PKD1L1: variants seen among roughly 807,000 people sequenced by gnomAD.
The protein encoded by PKD1L1 is polycystin-1-like protein 1.
In PKD1L1, 236 loss-of-function variants were observed where a neutral mutation model predicts 323.4. The ratio of observed to expected loss-of-function variants is 0.73; its 90% CI spans 0.66 to 0.81. PKD1L1 has a LOEUF of 0.81. Ranked by LOEUF, PKD1L1 falls within the 40% of genes least tolerant of loss-of-function variation. The probability of loss-of-function intolerance (pLI) is 0.00; values close to 1 mark genes in which losing one functional copy is unlikely to be tolerated. For missense variants in PKD1L1, 3,320 were observed against 3,508.0 expected (o/e 0.95, Z 1.35); for synonymous variants, 1,344 against 1,335.0 (o/e 1.01, Z -0.15).
intron 2 of PKD1L1, among the ~76,000 whole-genome samples, chr7:47,942,962 C>T (rs1016030004): frequency 5.3e-5 from 8 of 151,816 alleles, no homozygotes; most frequent in African/African-American, 1.9e-4. Context: ...CTGGCTAACA[C>T]GGTGAAACCC....
Position 47,880,841 on chromosome 7 carries a change from C to A in PKD1L1, c.3443-36G>T. 2.6e-6 allele frequency: 4 copies of A among 1,552,216 alleles called. No individual in the cohort carries two copies. The South Asian group carries it at 3.5e-5, about 13-fold the overall frequency. On this transcript the variant is annotated intron_variant, in intron 20 of 56. Transcript: ENST00000289672. ...GACATGGCTGCATGGAAATGACAGT[C>A]AGTGGTCTCAAGGACAGAGGTCACA...
At chr7:47,799,758 G>A (rs1242334587) in intron 54 of PKD1L1, among the ~76,000 whole-genome samples, 1 of 152,132 alleles carries the variant, frequency 6.6e-6, no homozygotes, top group African/African-American at 2.4e-5. Flanking sequence ...CATGCCTATA[G>A]GCTTAGTCAA....
At chr7:47,867,176 AC>A (rs1242094912) in intron 24 of PKD1L1, among the ~76,000 whole-genome samples, 1 of 152,240 alleles carries the variant, frequency 6.6e-6, no homozygotes, top group Non-Finnish European at 1.5e-5. Context: ...ATCTGGACAC[AC>A]CGCAGTGGGT....
At chr7:47,936,736 C>T (rs1047370280) in intron 4 of PKD1L1, 110 bp downstream of exon 4, 16 of 821,052 alleles carry the variant, frequency 1.9e-5, no homozygotes, top group African/African-American at 1.2e-4. Context: ...AACCCACCCT[C>T]GGGCCATGTA....
At chr7:47,898,629 A>G (rs1787012392) in intron 13 of PKD1L1, among the ~76,000 whole-genome samples, 1 of 152,098 alleles carries the variant, frequency 6.6e-6, no homozygotes, top group South Asian at 2.1e-4. Context: ...TATACACAAC[A>G]GATGTTTGCT....
intron 26 of PKD1L1, among the ~76,000 whole-genome samples, chr7:47,862,649 G>A (rs193152921): frequency 6.6e-5 from 10 of 152,274 alleles, no homozygotes; most frequent in Non-Finnish European, 1.5e-4. Flanking sequence ...CAGATGGTGG[G>A]TCTAGGACAA....
intron 36 of PKD1L1, among the ~76,000 whole-genome samples, chr7:47,837,989 C>T (rs117296884): frequency 2.0e-5 from 3 of 152,286 alleles, no homozygotes; most frequent in East Asian, 1.9e-4. Context: ...AATTAATAAG[C>T]CTACATTTCT....
At chr7:47,949,351 A>G (rs987396486), upstream of PKD1L1, among the ~76,000 whole-genome samples, 47 of 108,234 alleles carry the variant, frequency 4.3e-4, no homozygotes, top group African/African-American at 1.6e-3. Context: ...CCTGGGCAAC[A>G]GAGCGAGGCT....
At chr7:47,949,368 CAAAAAAA>C (rs58131581), upstream of PKD1L1, among the ~76,000 whole-genome samples, 28 of 57,134 alleles carry the variant, frequency 4.9e-4, no homozygotes, top group Admixed American at 1.5e-3. Context: ...GGCTCTGTCT[CAAAAAAA>C]AAAAAAAAAA....
At chr7:47,813,622 T>C (rs1359839290) in intron 48 of PKD1L1, 1 of 664,204 alleles carries the variant, frequency 1.5e-6, no homozygotes, top group Non-Finnish European at 2.8e-6. Flanking sequence ...GATATGTGAA[T>C]ATTCTATTTT....
intron 54 of PKD1L1, among the ~76,000 whole-genome samples, chr7:47,800,216 A>G (rs903960839): frequency 6.6e-6 from 1 of 152,234 alleles, no homozygotes; most frequent in African/African-American, 2.4e-5. Flanking sequence ...ACAGGGAGCC[A>G]TTCCTCCTTC....
At chr7:47,884,253 C>G (rs929691817) in intron 19 of PKD1L1, among the ~76,000 whole-genome samples, 6 of 151,944 alleles carry the variant, frequency 3.9e-5, no homozygotes, top group African/African-American at 1.5e-4. Flanking sequence ...TGGAGCCAGA[C>G]CTGAAGGAGG....
In PKD1L1 at chr7:47,923,788, C is replaced by A. The variant is rs191029665; in HGVS notation, c.1060+5416G>T. 1.3e-4 allele frequency among the ~76,000 whole-genome samples: 20 copies of A among 152,148 alleles called. No homozygotes were observed. In the East Asian group the frequency reaches 3.9e-3, roughly 29 times the overall value. On this transcript the variant is annotated intron_variant, in intron 7 of 56. Transcript: ENST00000289672. ...AATAGCATAATCAAAAAGTAATTCA[C>A]CAAAATCAAGTGTTTTTCACCCCTA...
rs150113749 is a variant in PKD1L1, at chr7:47,916,762, T to G, written c.1061-1163A>C. ...ACAGCTCAGCTCTCAGGAAGCCACA[T>G]CCATAGGAAAAGGGGATGAGTACTA... On this transcript the variant is annotated intron_variant, in intron 7 of 56. Coordinates refer to ENST00000289672, the MANE Select transcript of PKD1L1 (RefSeq NM_138295.5). Among the ~76,000 whole-genome samples the G allele has an allele frequency of 1.2e-3, 176 of 152,178 alleles. 1 individual carries two copies. Among genetic ancestry groups the G allele is most frequent in the African/African-American group, 4.0e-3 (168 of 41,500 alleles).
At chr7:47,938,296 G>C (rs1396738460) in intron 3 of PKD1L1, among the ~76,000 whole-genome samples, 1 of 152,132 alleles carries the variant, frequency 6.6e-6, no homozygotes, top group East Asian at 1.9e-4. Flanking sequence ...GGCCAGAGTG[G>C]GAGCTGAAAG....
At chr7:47,922,734 G>A (rs1787575684) in intron 7 of PKD1L1, among the ~76,000 whole-genome samples, 1 of 151,408 alleles carries the variant, frequency 6.6e-6, no homozygotes, top group Admixed American at 6.6e-5. Context: ...CGTCCGGCCA[G>A]CCGCCCCGTT....
At chr7:47,860,497 T>C (rs984870306) in intron 26 of PKD1L1, among the ~76,000 whole-genome samples, 1 of 152,242 alleles carries the variant, frequency 6.6e-6, no homozygotes. Flanking sequence ...CACAATGATA[T>C]CTAATGGCTT....
In PKD1L1 at chr7:47,880,282, A is replaced by ATTT. The variant is rs1309864473; in HGVS notation, c.3520+445_3520+446insAAA. Among the ~76,000 whole-genome samples, 482 of 69,660 alleles carry ATTT rather than the reference A, an allele frequency of 6.9e-3. 13 individuals carry two copies. Among genetic ancestry groups the ATTT allele is most frequent in the Non-Finnish European group, 9.9e-3 (401 of 40,354 alleles). 45.7% of individuals were successfully genotyped at this position (69,660 alleles called of 152,430 possible). The stretch of plus-strand genomic sequence containing the variant: ...TATATATACATATATATATATATAT[A>ATTT]TATTTTTTTTTTTTTTTTTGAGACA... On this transcript the variant is annotated intron_variant, in intron 21 of 56. Transcript: ENST00000289672.
intron 54 of PKD1L1, among the ~76,000 whole-genome samples, 172 bp from the exon 55 acceptor site, chr7:47,796,322 C>A (rs115124556): frequency 0.013 from 1,978 of 152,232 alleles, 40 homozygotes; most frequent in African/African-American, 0.045. Context: ...AAATACCTCT[C>A]CTGAATTGAA....
Sources: allele counts gnomAD v4.1 joint callset (sites outside exome capture counted in the v4.1 genomes callset), GRCh38; gene constraint gnomAD v4.1.1; transcripts MANE v1.5; gene names NCBI Gene and HGNC (gene_info 2026-07-23, HGNC 2026-07-21).